The following CROCC2 variants were observed in gnomAD, a reference collection of about 807,000 sequenced individuals.
CROCC2 encodes the protein ciliary rootlet coiled-coil, rootletin family member 2, also known as ciliary rootlet coiled-coil protein 2.
Under a neutral mutation model 177.6 loss-of-function variants are expected in CROCC2, and 163 were observed. That is an observed-to-expected ratio of 0.92 (90% CI 0.81 to 1.05). The LOEUF is 1.05. Ranked by LOEUF, CROCC2 falls within the 50% of genes least tolerant of loss-of-function variation. The probability of loss-of-function intolerance (pLI) is 0.00; values close to 1 mark genes in which losing one functional copy is unlikely to be tolerated. For missense variants in CROCC2, 1,929 were observed against 1,797.8 expected (o/e 1.07, Z -1.32); for synonymous variants, 904 against 787.3 (o/e 1.15, Z -2.48).
In CROCC2 at chr2:240,991,613, G is replaced by A. The variant is rs918453926; in HGVS notation, c.4946+335G>A. ...CTGGTGCTGGACCATGCTGCGGGTC[G>A]CTCATCTCTGACAGCCCCTTCCCCT... On this transcript the variant is annotated intron_variant, in intron 31 of 31. Coordinates refer to ENST00000690015, the MANE Select transcript of CROCC2 (RefSeq NM_001351305.2). Among the ~76,000 whole-genome samples, 7 of 152,178 alleles carry A rather than the reference G, an allele frequency of 4.6e-5. 1 individual carries two copies. The highest frequency in any genetic ancestry group is 9.7e-5 in the African/African-American group (4 of 41,446).
intron 5 of CROCC2, among the ~76,000 whole-genome samples, chr2:240,928,175 T>G (rs946002202): frequency 1.3e-5 from 2 of 152,242 alleles, no homozygotes; most frequent in African/African-American, 4.8e-5. Context: ...GAAGTTTCTT[T>G]GAAACCTGAG....
At chr2:240,909,828 A>G (rs1307929160) in intron 1 of CROCC2, among the ~76,000 whole-genome samples, 1 of 152,096 alleles carries the variant, frequency 6.6e-6, no homozygotes, top group African/African-American at 2.4e-5. Flanking sequence ...CGGGTGCCAG[A>G]CGCCCAGATC....
chr2:240,961,705 CACAT>C (rs1411425282), intron 20 of CROCC2, among the ~76,000 whole-genome samples: 2 of 149,998 alleles, frequency 1.3e-5, no homozygotes, highest in Non-Finnish European at 3.0e-5. Flanking sequence ...GACGTGCACA[CACAT>C]GCATGCACAC....
chr2:240,917,612 G>C lies in CROCC2; in HGVS notation c.79-1114G>C, dbSNP rs1202368058. Among the ~76,000 whole-genome samples, 4 of 152,140 alleles carry C rather than the reference G, an allele frequency of 2.6e-5. No individual in the cohort carries two copies. In the East Asian group the frequency reaches 7.7e-4, roughly 29 times the overall value. On this transcript the variant is annotated intron_variant, in intron 1 of 31. Transcript: ENST00000690015. This position sits in a 1 kb window ranked among gnomAD's most constrained non-coding sequence, Gnocchi z 4.9. ...CGGACCCCAGGGAGAGGGGTCCTCT[G>C]TGCTGGCGTGGGAGCCAGGCAAGGA...
At chr2:240,963,217 A>C in intron 20 of CROCC2, 1 of 305,600 alleles carries the variant, frequency 3.3e-6, no homozygotes, top group Non-Finnish European at 6.1e-6. Context: ...AGGCAGTGAC[A>C]GTGCAGACAC....
At chr2:240,988,211 C>T (rs998895742) in intron 28 of CROCC2, among the ~76,000 whole-genome samples, 3 of 152,168 alleles carry the variant, frequency 2.0e-5, no homozygotes, top group Admixed American at 2.0e-4. Context: ...ATTGGGGCAG[C>T]CTACAGCCTA....
At chr2:240,936,848 T>C (rs2059474253) in intron 14 of CROCC2, among the ~76,000 whole-genome samples, 1 of 152,238 alleles carries the variant, frequency 6.6e-6, no homozygotes, top group Non-Finnish European at 1.5e-5. Context: ...CACTTGGTGA[T>C]ATGGTTTAGA....
At chr2:240,928,275 A>G (rs1343528112) in intron 5 of CROCC2, among the ~76,000 whole-genome samples, 1 of 152,130 alleles carries the variant, frequency 6.6e-6, no homozygotes, top group African/African-American at 2.4e-5. Context: ...ATTGAAGTAC[A>G]TTTTCAGCTT....
rs1417858595 is a variant in CROCC2 at position 240,920,006 on chromosome 2, A to C, written c.253A>C (p.Thr85Pro). 4 of 715,194 alleles carry C rather than the reference A, an allele frequency of 5.6e-6. No individual in the cohort carries two copies. In the Admixed American group the frequency reaches 6.0e-5, roughly 11 times the overall value. The allele number at this position is 715,194 out of a possible 1,614,324, so 44.3% of individuals were successfully genotyped here. Residue 85 changes from threonine to proline, a missense_variant, in exon 3 of 32, where the codon ACT becomes CCT. Physicochemically the swap from Thr to Pro is conservative, Grantham distance 38. Around this residue, in one of 3 missense-constraint regions of CROCC2, gnomAD observed 1,397 missense variants for 1,239.9 expected, o/e 1.13. Coordinates refer to ENST00000690015, the MANE Select transcript of CROCC2 (RefSeq NM_001351305.2). ...PQAGVQEPTA[T>P]VARVQEENEL... ...AGCAGGGGTACAGGAGCCGACAGCC[A>C]CTGTGGCCCGAGTGCAAGAGGAGAA... is the stretch of plus-strand genomic sequence containing the variant.
At chr2:240,963,441 C>A in intron 20 of CROCC2, 115 bp from the exon 21 acceptor site, 2 of 1,124,358 alleles carry the variant, frequency 1.8e-6, no homozygotes, top group Non-Finnish European at 2.5e-6. Flanking sequence ...GCATGGGGAC[C>A]AAGTTGGGCA....
rs2059330716 is a variant in CROCC2 at position 240,917,909 on chromosome 2, G to C, written c.79-817G>C. On this transcript the variant is annotated intron_variant, in intron 1 of 31. Transcript: ENST00000690015. The surrounding 1 kb of genome is among the most constrained non-coding windows in gnomAD (Gnocchi z 4.9). ...CCTGGCAGGAGTCCCCTGCCCTGGGGTCCCGGCCCTCCCCAAGCTGTGCCC... is the reference window on the plus strand; with the variant it reads ...CCTGGCAGGAGTCCCCTGCCCTGGGCTCCCGGCCCTCCCCAAGCTGTGCCC... Among the ~76,000 whole-genome samples the C allele has an allele frequency of 6.6e-6, 1 of 152,144 alleles. No homozygotes were observed. The highest frequency in any genetic ancestry group is 2.4e-5 in the African/African-American group (1 of 41,440).
intron 15 of CROCC2, among the ~76,000 whole-genome samples, chr2:240,946,988 A>T (rs923440530): frequency 3.3e-5 from 5 of 152,224 alleles, no homozygotes; most frequent in African/African-American, 1.2e-4. Context: ...CAAGAACAGG[A>T]TGTGTGTAGG....
At position 240,920,076 on chromosome 2, in the gene CROCC2, CCCA is replaced by C; in HGVS notation, c.324_326del (p.Gln109del). ...CTGACCCGGCTGGGGGACCTGCTGG[CCCA>C]GGCCAGCGCCGAGCGAGATGAGCTG... On this transcript the variant is annotated inframe_deletion, in exon 3 of 32. Coordinates refer to ENST00000690015, the MANE Select transcript of CROCC2 (RefSeq NM_001351305.2). 1 of 714,622 alleles carries C rather than the reference CCCA, an allele frequency of 1.4e-6. No homozygotes were observed. 44.3% of individuals were successfully genotyped at this position (714,622 alleles called of 1,614,324 possible). A position where few individuals can be genotyped will look rare whatever the true frequency, so the allele number is the denominator to read the frequency against.
intron 18 of CROCC2, among the ~76,000 whole-genome samples, chr2:240,951,348 C>T (rs2059555210): frequency 6.6e-6 from 1 of 151,896 alleles, no homozygotes; most frequent in Non-Finnish European, 1.5e-5. Flanking sequence ...TCCATCCTCC[C>T]ATCCACCTGC....
chr2:240,916,602 G>A (rs933673794), intron 1 of CROCC2, among the ~76,000 whole-genome samples: 1 of 151,096 alleles, frequency 6.6e-6, no homozygotes, highest in African/African-American at 2.4e-5. Flanking sequence ...GCAGGCACCC[G>A]TCCACAGATG....
intron 4 of CROCC2, 67 bp downstream of exon 4, chr2:240,922,712 C>A: frequency 3.9e-6 from 2 of 512,758 alleles, no homozygotes; most frequent in Non-Finnish European, 7.0e-6. Flanking sequence ...GGCAGTGGGA[C>A]CCTCTGTGCC....
In CROCC2 at chr2:240,964,208, G is replaced by C. The variant is rs561866133; in HGVS notation, c.3306-258G>C. 69 of 573,126 alleles carry C rather than the reference G, an allele frequency of 1.2e-4. No homozygotes were observed. In the East Asian group the frequency reaches 2.0e-3, roughly 17 times the overall value. The allele number at this position is 573,126 out of a possible 1,614,324, so 35.5% of individuals were successfully genotyped here. ...GTTGAGCGTCCGGGAGTGTGACAGAGAGGGGGAGACAGGGAGGGATGAGGT... is the reference window on the plus strand; with the variant it reads ...GTTGAGCGTCCGGGAGTGTGACAGACAGGGGGAGACAGGGAGGGATGAGGT... On this transcript the variant is annotated intron_variant, in intron 21 of 31. Coordinates refer to ENST00000690015, the MANE Select transcript of CROCC2 (RefSeq NM_001351305.2).
chr2:240,982,912 A>G lies in CROCC2; in HGVS notation c.4434A>G (p.Glu1478=), dbSNP rs1219130892. 6.5e-7 allele frequency: 1 copy of G among 1,550,190 alleles called. No individual in the cohort carries two copies. The highest frequency in any genetic ancestry group is 1.2e-5 in the South Asian group (1 of 83,998). ...EQLETLRQAL[E]ESRRHSQGLA... ...TGGAAACGCTGCGCCAGGCTCTTGAAGAGAGCAGGAGGCACAGCCAAGGTC... is the reference window on the plus strand; with the variant it reads ...TGGAAACGCTGCGCCAGGCTCTTGAGGAGAGCAGGAGGCACAGCCAAGGTC... The change falls in exon 28 of 32, where the codon GAA becomes GAG. Residue 1478 remains glutamate (E), a synonymous_variant. Transcript: ENST00000690015. The surrounding 1 kb of genome is among the most constrained non-coding windows in gnomAD (Gnocchi z 4.7).
At chr2:240,919,012 TG>T (rs1353021604) in intron 2 of CROCC2, 136 bp downstream of exon 2, 6 of 597,230 alleles carry the variant, frequency 1.0e-5, no homozygotes, top group African/African-American at 8.7e-5. Context: ...GGTGATGGCG[TG>T]GGGGACAGTC....
Sources: gnomAD v4.1 joint callset for allele counts (sites outside exome capture counted in the v4.1 genomes callset) on GRCh38, gnomAD v4.1.1 for gene constraint, gnomAD v4.1.1 regional missense constraint, Gnocchi (gnomAD v3.1) non-coding constraint, MANE v1.5 for transcripts, NCBI Gene and HGNC (gene_info 2026-07-23, HGNC 2026-07-21) for gene names.